Variants in TMEM143 observed in about 807,000 individuals in gnomAD.
TMEM143 encodes transmembrane protein 143.
A neutral mutation model predicts 40.3 loss-of-function variants in TMEM143; 45 were observed. That is an observed-to-expected ratio of 1.12 (90% CI 0.88 to 1.43). The LOEUF (loss-of-function observed/expected upper bound fraction) is 1.43, where lower values mean the gene tolerates loss of function less well. TMEM143 is among the 40% of genes most tolerant of loss of function. The pLI, the probability that TMEM143 is intolerant of heterozygous loss-of-function variation, is 0.00. For synonymous variants in TMEM143, 299 were observed against 282.7 expected (o/e 1.06, Z -0.58); for missense variants, 620 against 613.4 (o/e 1.01, Z -0.11).
chr19:48,340,711 C>A (rs1210164775), intron 6 of TMEM143, among the ~76,000 whole-genome samples: 1 of 152,128 alleles, frequency 6.6e-6, no homozygotes, highest in Non-Finnish European at 1.5e-5. Flanking sequence ...TCTCATCTCG[C>A]CCCTCCCCTC....
At chr19:48,355,442 C>T (rs1969867881) in intron 3 of TMEM143, among the ~76,000 whole-genome samples, 1 of 152,144 alleles carries the variant, frequency 6.6e-6, no homozygotes, top group Non-Finnish European at 1.5e-5. Context: ...TCGACTCCAC[C>T]AATTATGAAC....
intron 3 of TMEM143, among the ~76,000 whole-genome samples, chr19:48,356,429 CT>C (rs34945058): frequency 0.028 from 3,355 of 118,440 alleles, 61 homozygotes; most frequent in Middle Eastern, 0.14. Flanking sequence ...CCCGGCCCTC[CT>C]TTTTTTTTTT....
intron 3 of TMEM143, among the ~76,000 whole-genome samples, chr19:48,350,915 A>T (rs1673152): frequency 7.9e-6 from 1 of 127,038 alleles, no homozygotes; most frequent in African/African-American, 3.0e-5. Flanking sequence ...GTGAGACTAC[A>T]TCTCAAAAAA....
At chr19:48,348,631 G>A (rs1348678842) in intron 3 of TMEM143, among the ~76,000 whole-genome samples, 1 of 152,168 alleles carries the variant, frequency 6.6e-6, no homozygotes, top group South Asian at 2.1e-4. Flanking sequence ...TATGTTACAC[G>A]CACATTCTCA....
intron 6 of TMEM143, among the ~76,000 whole-genome samples, chr19:48,338,600 G>A (rs918015891): frequency 2.0e-5 from 3 of 152,196 alleles, no homozygotes; most frequent in Non-Finnish European, 4.4e-5. Flanking sequence ...CACCTCTCGC[G>A]GACGAGCAGA....
At chr19:48,353,180 A>C (rs1460688547) in intron 3 of TMEM143, among the ~76,000 whole-genome samples, 1 of 101,450 alleles carries the variant, frequency 9.9e-6, no homozygotes, top group African/African-American at 3.6e-5. Context: ...GATCAACGAC[A>C]AACTTTTTTT....
chr19:48,359,994 A>G (rs1600928027), intron 3 of TMEM143, 78 bp downstream of exon 3: 6 of 1,428,168 alleles, frequency 4.2e-6, no homozygotes, highest in South Asian at 1.2e-5. Flanking sequence ...CCAGGCTCCA[A>G]GAAGGTGTCA....
At chr19:48,334,241 C>A in intron 6 of TMEM143, 44 bp from the exon 7 acceptor site, 2 of 1,542,230 alleles carry the variant, frequency 1.3e-6, no homozygotes, top group Non-Finnish European at 1.7e-6. Flanking sequence ...CGGGGTGCGC[C>A]CCCACCCATA....
intron 3 of TMEM143, among the ~76,000 whole-genome samples, chr19:48,348,904 G>A (rs1969704681): frequency 6.6e-6 from 1 of 152,118 alleles, no homozygotes; most frequent in Admixed American, 6.6e-5. Context: ...GGCTGGGCGC[G>A]ATTGCTCATG....
At position 48,343,391 on chromosome 19, in the gene TMEM143, C is replaced by T. The variant is rs766657384; in HGVS notation, c.625G>A (p.Gly209Arg). The T allele has an allele frequency of 1.7e-5, 28 of 1,602,616 alleles. No individual in the cohort carries two copies. The highest frequency in any genetic ancestry group is 9.0e-5 in the East Asian group (4 of 44,412). ...ACGCTGGACTTCAGGGGCATCTGCCCGACTCGCTGGCCCAGGGCCCAGAAG... is the reference window on the plus strand; with the variant it reads ...ACGCTGGACTTCAGGGGCATCTGCCTGACTCGCTGGCCCAGGGCCCAGAAG... Reference protein sequence around the residue: ...IHFWALGQRVGQMPLKSSVGS... With the variant: ...IHFWALGQRVRQMPLKSSVGS... Residue 209 changes from glycine (G) to arginine (R), a missense_variant, in exon 5 of 8, where the codon GGG (glycine) becomes AGG (arginine). Physicochemically the swap from Gly to Arg is moderately radical, Grantham distance 125. Coordinates refer to ENST00000293261, the MANE Select transcript of TMEM143 (RefSeq NM_018273.4).
intron 6 of TMEM143, among the ~76,000 whole-genome samples, chr19:48,340,651 G>A (rs140159874): frequency 6.4e-4 from 97 of 152,176 alleles, no homozygotes; most frequent in African/African-American, 1.9e-3. Context: ...AATAGTCACC[G>A]TGGGCTGGGA....
At chr19:48,340,157 C>CA (rs1969459141) in intron 6 of TMEM143, among the ~76,000 whole-genome samples, 1 of 123,556 alleles carries the variant, frequency 8.1e-6, no homozygotes, top group Non-Finnish European at 1.6e-5. Context: ...GATGGAGTCT[C>CA]ACTGTGTCGC....
intron 6 of TMEM143, among the ~76,000 whole-genome samples, chr19:48,340,940 AT>A (rs1426951172): frequency 6.6e-6 from 1 of 152,002 alleles, no homozygotes; most frequent in African/African-American, 2.4e-5. Flanking sequence ...CTTTCCTCAG[AT>A]CCTACCTGAG....
intron 5 of TMEM143, 82 bp from the exon 6 acceptor site, chr19:48,342,891 T>C (rs1969534917): frequency 4.8e-6 from 7 of 1,465,566 alleles, no homozygotes; most frequent in African/African-American, 1.4e-5. Context: ...ACGCTCACTC[T>C]GGCTCTACAG....
At chr19:48,337,561 A>G (rs1207796675) in intron 6 of TMEM143, among the ~76,000 whole-genome samples, 1 of 151,796 alleles carries the variant, frequency 6.6e-6, no homozygotes, top group East Asian at 1.9e-4. Flanking sequence ...AAAGAAGAAA[A>G]AAAAAAAACA....
intron 6 of TMEM143, among the ~76,000 whole-genome samples, chr19:48,338,458 T>G (rs961715422): frequency 1.3e-5 from 2 of 152,194 alleles, no homozygotes; most frequent in Non-Finnish European, 2.9e-5. Flanking sequence ...ATGCAGCGCA[T>G]GCTGAAAAAG....
intron 4 of TMEM143, among the ~76,000 whole-genome samples, chr19:48,344,319 TC>T (rs1283227424): frequency 1.2e-4 from 18 of 151,934 alleles, no homozygotes; most frequent in Non-Finnish European, 1.9e-4. Context: ...TCTCAATTTG[TC>T]ATCCAGGCTG....
chr19:48,352,970 A>T (rs1969809507), intron 3 of TMEM143, among the ~76,000 whole-genome samples: 1 of 152,068 alleles, frequency 6.6e-6, no homozygotes, highest in Non-Finnish European at 1.5e-5. Flanking sequence ...ACCAAATACA[A>T]TGAAAACATT....
rs1411436944 is a variant in TMEM143, at chr19:48,360,119, C to T, written c.322G>A (p.Asp108Asn). 1 of 1,614,176 alleles carries T rather than the reference C, an allele frequency of 6.2e-7. No individual in the cohort carries two copies. Among genetic ancestry groups the T allele is most frequent in the Non-Finnish European group, 8.5e-7 (1 of 1,180,032 alleles). ...AALEAFSAHV[D>N]FCTLFHYHQI... ...TGGTAGTGGAACAGGGTGCAGAAGT[C>T]CACGTGGGCCGAGAACGCCTCCAAA... Residue 108 changes from aspartate (D) to asparagine (N), a missense_variant, in exon 3 of 8, where the codon GAC becomes AAC. Coordinates refer to ENST00000293261, the MANE Select transcript of TMEM143 (RefSeq NM_018273.4).
Sources: gnomAD v4.1 joint callset for allele counts (sites outside exome capture counted in the v4.1 genomes callset) on GRCh38, gnomAD v4.1.1 for gene constraint, MANE v1.5 for transcripts, NCBI Gene and HGNC (gene_info 2026-07-23, HGNC 2026-07-21) for gene names.